Variants in PRKCB observed in about 807,000 individuals in gnomAD.
The protein encoded by PRKCB is protein kinase C beta type.
Under a neutral mutation model 81.5 loss-of-function variants are expected in PRKCB, and 13 were observed. The ratio of observed to expected loss-of-function variants is 0.16; its 90% CI spans 0.10 to 0.25. The LOEUF is 0.25. Ranked by LOEUF, PRKCB falls within the 10% of genes least tolerant of loss-of-function variation. The pLI, the probability that PRKCB is intolerant of heterozygous loss-of-function variation, is 1.00. For missense variants in PRKCB, 509 were observed against 875.7 expected (o/e 0.58, Z 5.29); for synonymous variants, 335 against 321.4 (o/e 1.04, Z -0.45).
chr16:23,939,155 A>T (rs1469484872), intron 2 of PRKCB, among the ~76,000 whole-genome samples: 1 of 152,218 alleles, frequency 6.6e-6, no homozygotes, highest in Admixed American at 6.5e-5. Flanking sequence ...AAAGGAAAAA[A>T]ATAATTAGCT....
At chr16:24,143,982 G>A (rs149023316) in intron 9 of PRKCB, among the ~76,000 whole-genome samples, 1 of 152,278 alleles carries the variant, frequency 6.6e-6, no homozygotes, top group Non-Finnish European at 1.5e-5. Flanking sequence ...AAACATCCAT[G>A]CAAAACATTT....
intron 2 of PRKCB, among the ~76,000 whole-genome samples, chr16:23,881,313 C>T (rs940643161): frequency 5.5e-5 from 8 of 145,646 alleles, no homozygotes; most frequent in African/African-American, 1.0e-4. Context: ...AGTGCGGTGG[C>T]GCGGTCTTGG....
At chr16:24,140,284 C>CA (rs1395915302) in intron 9 of PRKCB, among the ~76,000 whole-genome samples, 2 of 152,256 alleles carry the variant, frequency 1.3e-5, no homozygotes, top group Non-Finnish European at 2.9e-5. Flanking sequence ...CATTTCTGGT[C>CA]AAAGTTGGAA....
At chr16:24,056,023 G>A (rs1323931504) in intron 5 of PRKCB, among the ~76,000 whole-genome samples, 1 of 152,226 alleles carries the variant, frequency 6.6e-6, no homozygotes, top group Non-Finnish European at 1.5e-5. Flanking sequence ...CAGAACTGGA[G>A]TTTGGTCCCA....
At chr16:24,010,236 G>A (rs554328937) in intron 3 of PRKCB, among the ~76,000 whole-genome samples, 8 of 152,274 alleles carry the variant, frequency 5.3e-5, no homozygotes, top group Admixed American at 4.6e-4. Flanking sequence ...AAGGGGCAGC[G>A]GCACTCAGCT....
rs190623093 is a variant in PRKCB at position 24,052,353 on chromosome 16, C to T, written c.529+16806C>T. ...CACTCCGGTTACCAGAAAGGGATCCCGATCCAGAACCCAAGAGAGGTTCTT... is the reference window on the plus strand; with the variant it reads ...CACTCCGGTTACCAGAAAGGGATCCTGATCCAGAACCCAAGAGAGGTTCTT... On this transcript the variant is annotated intron_variant, in intron 5 of 16. Coordinates refer to ENST00000643927, the MANE Select transcript of PRKCB (RefSeq NM_002738.7). Among the ~76,000 whole-genome samples the T allele has an allele frequency of 9.8e-4, 149 of 152,220 alleles. 1 individual carries two copies. The highest frequency in any genetic ancestry group is 3.4e-3 in the African/African-American group (142 of 41,526).
intron 3 of PRKCB, among the ~76,000 whole-genome samples, chr16:24,000,794 TACTTC>T (rs1423532398): frequency 6.6e-6 from 1 of 152,178 alleles, no homozygotes; most frequent in African/African-American, 2.4e-5. Flanking sequence ...CCATTTCCAT[TACTTC>T]ACACAAACCT....
rs747351610 is a variant in PRKCB at position 23,959,862 on chromosome 16, TC to T, written c.206-28640del. On this transcript the variant is annotated intron_variant, in intron 2 of 16. Transcript: ENST00000643927. ...ATCTTCAAGGTAGTTCTAGGCGATG[TC>T]CCCCCACTTTGCAGATGGGGACACT... is the stretch of plus-strand genomic sequence containing the variant. Among the ~76,000 whole-genome samples, 18 of 152,278 alleles carry T rather than the reference TC, an allele frequency of 1.2e-4. No homozygotes were observed. The East Asian group carries it at 3.1e-3, about 26-fold the overall frequency.
chr16:23,940,185 A>G (rs1964121737), intron 2 of PRKCB, among the ~76,000 whole-genome samples: 1 of 152,206 alleles, frequency 6.6e-6, no homozygotes, highest in Non-Finnish European at 1.5e-5. Flanking sequence ...ATGAAAAATA[A>G]TGGTAATGCC....
chr16:24,174,494 C>CTTT (rs72154122), intron 11 of PRKCB, 24 bp from the exon 12 acceptor site: 12 of 1,513,852 alleles, frequency 7.9e-6, no homozygotes, highest in East Asian at 2.3e-5. Context: ...TTCTCCATCG[C>CTTT]TTTTTTTTTT....
intron 9 of PRKCB, among the ~76,000 whole-genome samples, chr16:24,124,945 T>C (rs1465348746): frequency 1.3e-5 from 2 of 152,090 alleles, no homozygotes; most frequent in Non-Finnish European, 2.9e-5. Flanking sequence ...TCTCTTCATC[T>C]CTCTAATACC....
chr16:23,930,453 C>T (rs1449436364), intron 2 of PRKCB, among the ~76,000 whole-genome samples: 1 of 152,032 alleles, frequency 6.6e-6, no homozygotes, highest in East Asian at 1.9e-4. Flanking sequence ...CCTGTAGTCT[C>T]AGCTACTCAG....
intron 2 of PRKCB, among the ~76,000 whole-genome samples, chr16:23,940,065 G>A (rs1474150503): frequency 6.6e-6 from 1 of 151,940 alleles, no homozygotes; most frequent in Admixed American, 6.6e-5. Context: ...CACCAAAGAG[G>A]GAACACAGAT....
At chr16:24,034,180 C>T (rs1003121514) in intron 4 of PRKCB, among the ~76,000 whole-genome samples, 1 of 152,202 alleles carries the variant, frequency 6.6e-6, no homozygotes, top group African/African-American at 2.4e-5. Context: ...GACAATGTCC[C>T]TGCCTCAGAG....
chr16:24,038,289 T>C (rs1046587844), intron 5 of PRKCB, among the ~76,000 whole-genome samples: 2 of 152,154 alleles, frequency 1.3e-5, no homozygotes, highest in African/African-American at 4.8e-5. Flanking sequence ...TGCTTGAGAC[T>C]AGGCGTTCAA....
chr16:24,194,155 C>T (rs1337052566), intron 16 of PRKCB, among the ~76,000 whole-genome samples: 1 of 152,006 alleles, frequency 6.6e-6, no homozygotes, highest in Non-Finnish European at 1.5e-5. Context: ...AGTGAAACCC[C>T]ATCTGTACTA....
chr16:24,158,299 A>T (rs774749398), intron 10 of PRKCB, among the ~76,000 whole-genome samples: 1 of 152,132 alleles, frequency 6.6e-6, no homozygotes, highest in African/African-American at 2.4e-5. Flanking sequence ...GCATAAATTA[A>T]ATTTATTTTC....
intron 7 of PRKCB, among the ~76,000 whole-genome samples, chr16:24,106,253 G>A (rs979268304): frequency 9.9e-5 from 15 of 152,084 alleles, no homozygotes; most frequent in African/African-American, 1.9e-4. Context: ...GATAATAGTC[G>A]TAATTATGTC....
intron 2 of PRKCB, among the ~76,000 whole-genome samples, chr16:23,854,595 C>T (rs906176417): frequency 6.6e-6 from 1 of 152,158 alleles, no homozygotes; most frequent in East Asian, 1.9e-4. Flanking sequence ...ATTCTCTGGG[C>T]ATGAGCAAGG....
Sources: gnomAD v4.1 joint callset for allele counts (sites outside exome capture counted in the v4.1 genomes callset) on GRCh38, gnomAD v4.1.1 for gene constraint, MANE v1.5 for transcripts, NCBI Gene and HGNC (gene_info 2026-07-23, HGNC 2026-07-21) for gene names.